Variants in HDAC9 observed in about 807,000 individuals in gnomAD.
HDAC9 encodes MEF-2 interacting transcription repressor (MITR) protein.
A neutral mutation model predicts 139.4 loss-of-function variants in HDAC9; 41 were observed. The observed-to-expected ratio is 0.29, with a 90% CI of 0.23 to 0.38. The LOEUF is 0.38. HDAC9 is among the 10% of genes least tolerant of loss of function. The pLI is 1.00. For missense variants in HDAC9, 1,147 were observed against 1,297.0 expected (o/e 0.88, Z 1.78); for synonymous variants, 517 against 476.2 (o/e 1.09, Z -1.12).
At chr7:18,179,537 C>G (rs191051909) in intron 2 of HDAC9, among the ~76,000 whole-genome samples, 3 of 152,104 alleles carry the variant, frequency 2.0e-5, no homozygotes, top group Non-Finnish European at 2.9e-5. Flanking sequence ...TTGCTTCTAC[C>G]TCTCTTATAT....
intron 2 of HDAC9, among the ~76,000 whole-genome samples, chr7:18,203,114 G>A (rs1323573109): frequency 1.3e-5 from 2 of 152,138 alleles, no homozygotes; most frequent in African/African-American, 4.8e-5. Context: ...GTTTCTCTCA[G>A]TACACTATTA....
intron 2 of HDAC9, among the ~76,000 whole-genome samples, chr7:18,194,155 C>T (rs1790566792): frequency 6.6e-6 from 1 of 152,122 alleles, no homozygotes; most frequent in Non-Finnish European, 1.5e-5. Flanking sequence ...TATTAACTGT[C>T]AGTCTTTTAA....
In HDAC9 at chr7:18,781,067, A is replaced by T. The variant is rs1431769495; in HGVS notation, c.2215-12278A>T. On this transcript the variant is annotated intron_variant, in intron 16 of 25. Transcript: ENST00000686413. ...GGCTTCTCTCCTGGGTCCTTGGATG[A>T]CCTTCTTCTCATTGTGGCCTCACAA... Among the ~76,000 whole-genome samples, 4 of 151,832 alleles carry T rather than the reference A, an allele frequency of 2.6e-5. No individual in the cohort carries two copies. In the East Asian group the frequency reaches 7.8e-4, roughly 29 times the overall value.
At chr7:18,414,722 A>G (rs1788884816) in intron 1 of HDAC9, among the ~76,000 whole-genome samples, 1 of 151,752 alleles carries the variant, frequency 6.6e-6, no homozygotes. Flanking sequence ...AAAACATTGT[A>G]ATGGTAGGCA....
intron 1 of HDAC9, 94 bp downstream of exon 1, chr7:18,496,117 T>G: frequency 7.2e-7 from 1 of 1,398,168 alleles, no homozygotes; most frequent in Non-Finnish European, 9.7e-7. Flanking sequence ...CCTCTGCTGC[T>G]TCTCCTCAGG....
At chr7:18,877,673 C>G (rs573580528) in intron 22 of HDAC9, among the ~76,000 whole-genome samples, 1 of 152,132 alleles carries the variant, frequency 6.6e-6, no homozygotes, top group African/African-American at 2.4e-5. Context: ...GTCAAAATAA[C>G]TAGGGTTTTT....
chr7:18,401,148 T>A (rs907731877), intron 1 of HDAC9, among the ~76,000 whole-genome samples: 2 of 152,218 alleles, frequency 1.3e-5, no homozygotes, highest in African/African-American at 4.8e-5. Context: ...AAAGTGCTTT[T>A]AGTTGGTATT....
intron 19 of HDAC9, among the ~76,000 whole-genome samples, chr7:18,834,578 A>C (rs1254829942): frequency 6.7e-6 from 1 of 150,000 alleles, no homozygotes; most frequent in East Asian, 2.0e-4. Context: ...GGAAAGGAGA[A>C]AAGAGCAGGA....
intron 24 of HDAC9, among the ~76,000 whole-genome samples, chr7:18,969,809 G>A (rs1353850649): frequency 6.6e-6 from 1 of 152,140 alleles, no homozygotes; most frequent in Admixed American, 6.5e-5. Context: ...GTAAAATTTT[G>A]AAGAGTCAAA....
chr7:18,585,664 C>T, intron 3 of HDAC9, 142 bp downstream of exon 3: 1 of 1,149,826 alleles, frequency 8.7e-7, no homozygotes, highest in South Asian at 1.6e-5. Flanking sequence ...TGTGATTTTA[C>T]TAGTGAAAAC....
At chr7:18,957,699 C>T (rs1425705513) in intron 24 of HDAC9, among the ~76,000 whole-genome samples, 2 of 152,170 alleles carry the variant, frequency 1.3e-5, no homozygotes, top group Non-Finnish European at 2.9e-5. Context: ...CGCAACTGCA[C>T]AGGTAACCCA....
chr7:18,963,915 T>C (rs993689121), intron 24 of HDAC9, among the ~76,000 whole-genome samples: 4 of 152,168 alleles, frequency 2.6e-5, no homozygotes, highest in African/African-American at 9.7e-5. Flanking sequence ...TCACTTCTTT[T>C]TCCATTCAGC....
chr7:18,404,119 C>T (rs943846214), intron 1 of HDAC9, among the ~76,000 whole-genome samples: 5 of 152,120 alleles, frequency 3.3e-5, no homozygotes, highest in South Asian at 2.1e-4. Context: ...TGAGGCAATA[C>T]GTATCTTCAA....
Position 18,133,666 on chromosome 7 carries a change from T to C in HDAC9, c.-96-28563T>C, listed in dbSNP as rs148492848. On this transcript the variant is annotated intron_variant, in intron 1 of 12. Transcript: ENST00000417496. ...CTTAATGGGCTCGAGTTTTGTTGGT[T>C]GTTTTGCATTTAAAATGGCACTTGA... Among the ~76,000 whole-genome samples, 354 of 152,216 alleles carry C rather than the reference T, an allele frequency of 2.3e-3. 1 individual carries two copies. The highest frequency in any genetic ancestry group is 8.1e-3 in the African/African-American group (338 of 41,538).
intron 2 of HDAC9, among the ~76,000 whole-genome samples, chr7:18,278,473 G>A (rs1212895781): frequency 6.6e-6 from 1 of 152,176 alleles, no homozygotes; most frequent in Non-Finnish European, 1.5e-5. Flanking sequence ...TCTGTATTGT[G>A]CTGTTGCCAC....
intron 1 of HDAC9, among the ~76,000 whole-genome samples, chr7:18,119,402 T>G (rs1351218112): frequency 1.3e-5 from 2 of 152,236 alleles, no homozygotes; most frequent in East Asian, 3.9e-4. Flanking sequence ...GTCTGTTCTA[T>G]CTCAGCTGAG....
chr7:18,718,378 C>A (rs546704438), intron 12 of HDAC9, among the ~76,000 whole-genome samples: 2 of 151,940 alleles, frequency 1.3e-5, no homozygotes, highest in South Asian at 4.2e-4. Flanking sequence ...ATTACAGGTG[C>A]ACGGTGCCAC....
intron 2 of HDAC9, among the ~76,000 whole-genome samples, chr7:18,180,220 GACACAT>G (rs1337599749): frequency 0.03 from 2,759 of 91,070 alleles, 89 homozygotes; most frequent in African/African-American, 0.084. Context: ...CCCTCCCCAA[GACACAT>G]ACACACACAC....
chr7:18,139,937 GA>G (rs1210659634), intron 1 of HDAC9, among the ~76,000 whole-genome samples: 1 of 152,124 alleles, frequency 6.6e-6, no homozygotes, highest in Non-Finnish European at 1.5e-5. Flanking sequence ...TTTGGCCCAG[GA>G]AAACTGATGT....
Sources: gnomAD v4.1 joint callset for allele counts (sites outside exome capture counted in the v4.1 genomes callset) on GRCh38, gnomAD v4.1.1 for gene constraint, MANE v1.5 for transcripts, NCBI Gene and HGNC (gene_info 2026-07-23, HGNC 2026-07-21) for gene names.